Variants in SLC71A2 observed in about 807,000 individuals in gnomAD.
SLC71A2 encodes the protein solute carrier family 71 member 2, also known as hippocampus abundant transcript-like 1.
chr9:94,394,136 A>C, the SLC71A2 span, among the ~76,000 whole-genome samples: 3 of 138,616 alleles, frequency 2.2e-5, no homozygotes, highest in African/African-American at 8.0e-5. Context: ...GTGGTTAATA[A>C]ATTGTTTGAA....
chr9:94,378,082 G>A, the SLC71A2 span, among the ~76,000 whole-genome samples: 940 of 142,256 alleles, frequency 6.6e-3, 8 homozygotes, highest in African/African-American at 0.024. Context: ...CCAGCCTGGC[G>A]ACAGACTGCA....
the SLC71A2 span, among the ~76,000 whole-genome samples, chr9:94,390,071 G>A: frequency 2.1e-4 from 32 of 152,220 alleles, no homozygotes; most frequent in African/African-American, 7.2e-4. Context: ...AAAATTAGCC[G>A]GGCGTGGTGG....
At chr9:94,394,947 TCTGTC>T in the SLC71A2 span, among the ~76,000 whole-genome samples, 3 of 85,132 alleles carry the variant, frequency 3.5e-5, no homozygotes, top group African/African-American at 5.1e-5. Flanking sequence ...GGTGTCTTGC[TCTGTC>T]GCCTAGGCTG....
the SLC71A2 span, chr9:94,438,349 T>A: frequency 1.2e-6 from 2 of 1,613,588 alleles, no homozygotes; most frequent in South Asian, 2.2e-5. Context: ...GAATTACAGG[T>A]AATTGAGGGA....
At chr9:94,436,050 T>C in the SLC71A2 span, among the ~76,000 whole-genome samples, 4 of 152,384 alleles carry the variant, frequency 2.6e-5, no homozygotes, top group Non-Finnish European at 5.9e-5. Context: ...AGTCTTCTTA[T>C]ACTCTAATTC....
chr9:94,456,983 AC>A, the SLC71A2 span, among the ~76,000 whole-genome samples: 1 of 34,200 alleles, frequency 2.9e-5, no homozygotes, highest in Non-Finnish European at 5.7e-5. Context: ...CCCACCTCCT[AC>A]CCCTTACAGG....
At chr9:94,398,234 A>T in the SLC71A2 span, among the ~76,000 whole-genome samples, 10 of 140,854 alleles carry the variant, frequency 7.1e-5, no homozygotes, top group African/African-American at 2.5e-4. Flanking sequence ...GTTTTTTTTT[A>T]AAACACTTAT....
At chr9:94,430,943 G>T in the SLC71A2 span, among the ~76,000 whole-genome samples, 3 of 151,834 alleles carry the variant, frequency 2.0e-5, no homozygotes, top group Non-Finnish European at 1.5e-5. Context: ...ATGAGTATAG[G>T]GTCTAATTTG....
At chr9:94,456,779 A>C in the SLC71A2 span, among the ~76,000 whole-genome samples, 1 of 152,128 alleles carries the variant, frequency 6.6e-6, no homozygotes. Context: ...GAGAGTAGTA[A>C]GAAAAAGTCT....
the SLC71A2 span, among the ~76,000 whole-genome samples, chr9:94,421,693 G>C: frequency 6.6e-6 from 1 of 152,158 alleles, no homozygotes; most frequent in African/African-American, 2.4e-5. Flanking sequence ...GGAATATTTT[G>C]CGTTTTGTGT....
At chr9:94,419,237 C>T in the SLC71A2 span, among the ~76,000 whole-genome samples, 1 of 151,528 alleles carries the variant, frequency 6.6e-6, no homozygotes. Flanking sequence ...CTTCAGCCTC[C>T]TGAGTAGCTA....
the SLC71A2 span, among the ~76,000 whole-genome samples, chr9:94,395,068 C>G: frequency 7.6e-6 from 1 of 132,342 alleles, no homozygotes; most frequent in South Asian, 2.7e-4. Flanking sequence ...CGTGCACCAC[C>G]ACACCTGGCT....
chr9:94,430,325 T>C, the SLC71A2 span, among the ~76,000 whole-genome samples: 107,869 of 151,226 alleles, frequency 0.71, 40,025 homozygotes, highest in African/African-American at 0.93. Context: ...CGGGTTCGAG[T>C]GATTCTCCTG....
the SLC71A2 span, among the ~76,000 whole-genome samples, chr9:94,389,452 T>A: frequency 0.068 from 10,339 of 151,310 alleles, 446 homozygotes; most frequent in Non-Finnish European, 0.1. Flanking sequence ...ATATATATAT[T>A]TTTTTCAGTA....
chr9:94,440,689 G>A, the SLC71A2 span, among the ~76,000 whole-genome samples: 1 of 151,598 alleles, frequency 6.6e-6, no homozygotes, highest in African/African-American at 2.4e-5. Flanking sequence ...TTTTTTTTCT[G>A]TCTGTTGGCT....
chr9:94,456,426 C>G, the SLC71A2 span: 5 of 981,352 alleles, frequency 5.1e-6, no homozygotes, highest in Admixed American at 7.2e-5. Context: ...TCCCCATCAA[C>G]AGCAGGAGCC....
chr9:94,445,049 T>C, the SLC71A2 span: 2 of 1,614,242 alleles, frequency 1.2e-6, no homozygotes, highest in South Asian at 2.2e-5. Flanking sequence ...AGCCTCGTTG[T>C]GCTGGTGGCC....
At chr9:94,405,840 G>A in the SLC71A2 span, among the ~76,000 whole-genome samples, 1 of 151,266 alleles carries the variant, frequency 6.6e-6, no homozygotes, top group East Asian at 1.9e-4. Context: ...GCATCATTGG[G>A]ATTTTGATAG....
chr9:94,444,854 G>A, the SLC71A2 span: 1 of 922,674 alleles, frequency 1.1e-6, no homozygotes, highest in Non-Finnish European at 1.7e-6. Flanking sequence ...CCCTGGTTGA[G>A]TGTGCTTTCC....
Sources: allele counts gnomAD v4.1 joint callset (sites outside exome capture counted in the v4.1 genomes callset), GRCh38; gene constraint gnomAD v4.1.1; transcripts MANE v1.5; gene names NCBI Gene and HGNC (gene_info 2026-07-23, HGNC 2026-07-21).